COPA: variants seen among roughly 807,000 people sequenced by gnomAD.
The protein encoded by COPA is coat protein complex I subunit alpha.
Under a neutral mutation model 158.7 loss-of-function variants are expected in COPA, and 10 were observed. That is an observed-to-expected ratio of 0.06 (90% CI 0.04 to 0.11). The LOEUF is 0.11. Ranked by LOEUF, COPA falls within the 10% of genes least tolerant of loss-of-function variation. COPA has a pLI of 1.00. For synonymous variants in COPA, 462 were observed against 542.8 expected, an observed-to-expected ratio of 0.85 and a Z score of 2.07; for missense variants, 1,065 against 1,536.7, an observed-to-expected ratio of 0.69 and a Z score of 5.13.
chr1:160,339,101 G>A (rs1647914454), intron 3 of COPA, among the ~76,000 whole-genome samples: 1 of 131,244 alleles, frequency 7.6e-6, no homozygotes, highest in Non-Finnish European at 1.6e-5. Context: ...AAGCCTGAAA[G>A]TCAGCTCATT....
intron 3 of COPA, among the ~76,000 whole-genome samples, chr1:160,339,091 A>C (rs1469336014): frequency 8.0e-6 from 1 of 125,266 alleles, no homozygotes; most frequent in East Asian, 2.3e-4. Context: ...CCTAAACTAG[A>C]AGCCTGAAAG....
chr1:160,296,506 G>A (rs920366571), intron 21 of COPA, among the ~76,000 whole-genome samples: 4 of 152,178 alleles, frequency 2.6e-5, no homozygotes, highest in African/African-American at 9.7e-5. Flanking sequence ...GCAAGGACAT[G>A]GGGGCTGCCA....
In COPA at chr1:160,297,656, A is replaced by G. The variant is rs756679641; in HGVS notation, c.2067T>C (p.Ile689=). Reference sequence around the variant, plus strand: ...TGGTACGCTGATAGCACATTTCCACAATCTGGTGGTTCCCCTGCAGCAGGG... The same window carrying G: ...TGGTACGCTGATAGCACATTTCCACGATCTGGTGGTTCCCCTGCAGCAGGG... The part of the protein sequence containing the change: ...EVALLQGNHQ[I]VEMCYQRTKN... Residue 689 remains isoleucine, a synonymous_variant, in exon 20 of 33, where the codon ATT becomes ATC. Coordinates refer to ENST00000241704, the MANE Select transcript of COPA (RefSeq NM_004371.4). 5 of 1,614,050 alleles carry G rather than the reference A, an allele frequency of 3.1e-6. No homozygotes were observed. Among genetic ancestry groups the G allele is most frequent in the Non-Finnish European group, 4.2e-6 (5 of 1,180,014 alleles).
At chr1:160,331,521 C>T (rs59793551) in intron 6 of COPA, among the ~76,000 whole-genome samples, 1,827 of 151,602 alleles carry the variant, frequency 0.012, 41 homozygotes, top group African/African-American at 0.041. Flanking sequence ...TGCGTGGTGG[C>T]GTGCACCTGT....
chr1:160,312,491 GCAC>G (rs564896100), intron 10 of COPA, among the ~76,000 whole-genome samples: 261 of 152,252 alleles, frequency 1.7e-3, no homozygotes, highest in Non-Finnish European at 2.9e-3. Context: ...TTCCCTACTA[GCAC>G]CATCATCCCT....
chr1:160,305,766 C>A lies in COPA; in HGVS notation c.1450G>T (p.Ala484Ser). The change falls in exon 16 of 33, where the codon GCA becomes TCA. Residue 484 changes from alanine (A) to serine (S), a missense_variant. Ala to Ser is a moderately conservative substitution (Grantham distance 99). Around this residue, in one of 2 missense-constraint regions of COPA, gnomAD observed 980 missense variants for 1,357.8 expected, o/e 0.72. Coordinates refer to ENST00000241704, the MANE Select transcript of COPA (RefSeq NM_004371.4). ...TTCACTTTAGAAATCTTCACAGATG[C>A]CAGAGTCCTGAGATAGATAGAGATG... is the stretch of plus-strand genomic sequence containing the variant. ...LFDVQQKRTL[A>S]SVKISKVKYV... 2.5e-6 allele frequency: 4 copies of A among 1,613,668 alleles called. No individual in the cohort carries two copies. The highest frequency in any genetic ancestry group is 3.4e-6 in the Non-Finnish European group (4 of 1,179,734).
chr1:160,310,274 G>C lies in COPA; in HGVS notation c.1077-16C>G, dbSNP rs201918201. 2.4e-4 allele frequency: 358 copies of C among 1,518,592 alleles called. No individual in the cohort carries two copies. Among genetic ancestry groups the C allele is most frequent in the Non-Finnish European group, 3.1e-4 (344 of 1,111,518 alleles). The allele number at this position is 1,518,592 out of a possible 1,614,324, so 94.1% of individuals were successfully genotyped here. Reference sequence around the variant, plus strand: ...CTTGGAACCACTAGAGATATATATAGAAAAAGGAGAAAACAGGGAAGAGGC... The same window carrying C: ...CTTGGAACCACTAGAGATATATATACAAAAAGGAGAAAACAGGGAAGAGGC... On this transcript the variant is annotated splice_polypyrimidine_tract_variant and intron_variant, in intron 11 of 32. Coordinates refer to ENST00000241704, the MANE Select transcript of COPA (RefSeq NM_004371.4).
intron 25 of COPA, among the ~76,000 whole-genome samples, chr1:160,293,935 C>T (rs897787627): frequency 1.3e-5 from 2 of 152,204 alleles, no homozygotes; most frequent in African/African-American, 2.4e-5. Flanking sequence ...AGCCACCTCA[C>T]CAGTGACAAA....
At chr1:160,322,200 A>C (rs1414683495) in intron 8 of COPA, among the ~76,000 whole-genome samples, 1 of 152,220 alleles carries the variant, frequency 6.6e-6, no homozygotes, top group African/African-American at 2.4e-5. Flanking sequence ...ACACTACCTG[A>C]CTTCAAAATT....
Position 160,332,466 on chromosome 1 carries a change from G to A in COPA, c.478C>T (p.Arg160Cys). Residue 160 changes from arginine to cysteine, a missense_variant, in exon 6 of 33, where the codon CGC becomes TGC. Transcript: ENST00000241704. Reference sequence around the variant, plus strand: ...AGCTCACCAGAAATATCCCAAACGCGCACAGTCTGGTCCAGGCTGGCTGAT... The same window carrying A: ...AGCTCACCAGAAATATCCCAAACGCACACAGTCTGGTCCAGGCTGGCTGAT... ...VVSASLDQTV[R>C]VWDISGLRKK... The A allele has an allele frequency of 1.2e-6, 2 of 1,612,016 alleles. No homozygotes were observed. Among genetic ancestry groups the A allele is most frequent in the East Asian group, 2.2e-5 (1 of 44,842 alleles).
intron 13 of COPA, among the ~76,000 whole-genome samples, chr1:160,308,318 C>T (rs1658856585): frequency 6.6e-6 from 1 of 151,996 alleles, no homozygotes; most frequent in African/African-American, 2.4e-5. Context: ...TCACTATGAA[C>T]ACATTTAAAA....
chr1:160,296,020 T>A (rs776015670), intron 22 of COPA, 41 bp downstream of exon 22: 1 of 1,598,004 alleles, frequency 6.3e-7, no homozygotes, highest in South Asian at 1.1e-5. Flanking sequence ...ATCCTAGAGT[T>A]AATCCTGTAA....
intron 6 of COPA, among the ~76,000 whole-genome samples, chr1:160,331,893 C>T (rs1214376827): frequency 6.6e-6 from 1 of 151,452 alleles, no homozygotes. Flanking sequence ...TGCAGTGAGC[C>T]AAGATCATCA....
chr1:160,298,783 A>G, intron 19 of COPA, 62 bp downstream of exon 19: 1 of 1,587,794 alleles, frequency 6.3e-7, no homozygotes, highest in Non-Finnish European at 8.6e-7. Flanking sequence ...ATGCCCTCCC[A>G]ATGGCACTCT....
At chr1:160,315,938 C>T (rs74125581) in intron 8 of COPA, among the ~76,000 whole-genome samples, 5,047 of 152,136 alleles carry the variant, frequency 0.033, 277 homozygotes, top group African/African-American at 0.12. Flanking sequence ...ACAATGAAAA[C>T]AAATCAAACA....
At chr1:160,294,709 ACC>A in intron 24 of COPA, 57 bp downstream of exon 24, 1 of 1,601,424 alleles carries the variant, frequency 6.2e-7, no homozygotes, top group Non-Finnish European at 8.6e-7. Flanking sequence ...GCTACCCACA[ACC>A]CAGTCCCAAT....
chr1:160,332,452 A>C lies in COPA; in HGVS notation c.492T>G (p.Ile164Met). Residue 164 changes from isoleucine (I) to methionine (M), a missense_variant, in exon 6 of 33, where the codon ATT (isoleucine) becomes ATG (methionine). Ile to Met is a conservative substitution (Grantham distance 10, BLOSUM62 1). Around this residue, in one of 2 missense-constraint regions of COPA, gnomAD observed 980 missense variants for 1,357.8 expected, o/e 0.72. Coordinates refer to ENST00000241704, the MANE Select transcript of COPA (RefSeq NM_004371.4). ...SLDQTVRVWD[I>M]SGLRKKNLSP... ...CTCTGAACTTGGGCAGCTCACCAGA[A>C]ATATCCCAAACGCGCACAGTCTGGT... 1.9e-6 allele frequency: 3 copies of C among 1,608,330 alleles called. No individual in the cohort carries two copies. Among genetic ancestry groups the C allele is most frequent in the Non-Finnish European group, 2.5e-6 (3 of 1,178,290 alleles).
intron 8 of COPA, among the ~76,000 whole-genome samples, chr1:160,318,486 A>C (rs1571169811): frequency 1.4e-5 from 1 of 68,984 alleles, no homozygotes; most frequent in East Asian, 3.6e-4. Context: ...AAAAAAAAAA[A>C]AAAAACAAAA....
intron 6 of COPA, among the ~76,000 whole-genome samples, chr1:160,331,614 T>C (rs1273125469): frequency 6.7e-6 from 1 of 148,438 alleles, no homozygotes; most frequent in African/African-American, 2.5e-5. Context: ...GCCACTGCAT[T>C]TCAGCATGGG....
Sources: gnomAD v4.1 joint callset for allele counts (sites outside exome capture counted in the v4.1 genomes callset) on GRCh38, gnomAD v4.1.1 for gene constraint, gnomAD v4.1.1 regional missense constraint, MANE v1.5 for transcripts, NCBI Gene and HGNC (gene_info 2026-07-23, HGNC 2026-07-21) for gene names.